POLR3B: variants seen among roughly 807,000 people sequenced by gnomAD.
The protein encoded by POLR3B is RNA polymerase III subunit B.
POLR3B carries 96 observed loss-of-function variants against 147.4 expected under a neutral mutation model. That is an observed-to-expected ratio of 0.65 (90% CI 0.55 to 0.77). POLR3B has a LOEUF of 0.77. POLR3B is among the 30% of genes least tolerant of loss of function. The pLI, the probability that POLR3B is intolerant of heterozygous loss-of-function variation, is 0.00. For missense variants in POLR3B, 1,036 were observed against 1,413.5 expected, an observed-to-expected ratio of 0.73 and a Z score of 4.28; for synonymous variants, 461 against 485.9, an observed-to-expected ratio of 0.95 and a Z score of 0.67.
intron 9 of POLR3B, among the ~76,000 whole-genome samples, chr12:106,384,533 G>T (rs2036808619): frequency 6.6e-6 from 1 of 152,184 alleles, no homozygotes; most frequent in African/African-American, 2.4e-5. Context: ...TCCCAGCTGA[G>T]ATTGAACAAG....
chr12:106,462,789 C>T (rs552716860), intron 22 of POLR3B, among the ~76,000 whole-genome samples: 19 of 152,282 alleles, frequency 1.2e-4, no homozygotes, highest in African/African-American at 4.3e-4. Flanking sequence ...GTCAGTGACC[C>T]ACTCTGGTCA....
intron 8 of POLR3B, among the ~76,000 whole-genome samples, chr12:106,379,612 G>T (rs768464402): frequency 2.0e-4 from 31 of 152,110 alleles, no homozygotes; most frequent in Non-Finnish European, 3.4e-4. Flanking sequence ...AAGACTGTGG[G>T]TATATTTTGT....
chr12:106,376,477 C>G, intron 7 of POLR3B, 27 bp downstream of exon 7: 1 of 1,470,842 alleles, frequency 6.8e-7, no homozygotes, highest in Non-Finnish European at 9.5e-7. Context: ...GGATTTGTCC[C>G]ACTTTCCTTA....
chr12:106,378,661 A>T lies in POLR3B; in HGVS notation c.614+277A>T, dbSNP rs10746059. 0.44 allele frequency among the ~76,000 whole-genome samples: 66,397 copies of T among 151,590 alleles called. 15,853 individuals are homozygous for T. Among genetic ancestry groups the T allele is most frequent in the African/African-American group, 0.62 (25,680 of 41,242 alleles). On this transcript the variant is annotated intron_variant, in intron 8 of 27. Coordinates refer to ENST00000228347, the MANE Select transcript of POLR3B (RefSeq NM_018082.6). ...GCATGAAAGGAGATTTAAAAAAAAA[A>T]AAATAAAACCACTCTTCAGTTTTTC...
intron 21 of POLR3B, 94 bp from the exon 22 acceptor site, chr12:106,459,157 G>A (rs2037903241): frequency 1.3e-6 from 1 of 778,342 alleles, no homozygotes; most frequent in Non-Finnish European, 2.3e-6. Flanking sequence ...CTGAGTTGTT[G>A]GGACTGCAGG....
chr12:106,397,736 C>T (rs767023314), intron 10 of POLR3B, among the ~76,000 whole-genome samples: 3 of 152,134 alleles, frequency 2.0e-5, no homozygotes, highest in Non-Finnish European at 1.5e-5. Context: ...CACAGTTTAT[C>T]CTATTGATAG....
intron 6 of POLR3B, among the ~76,000 whole-genome samples, chr12:106,371,101 T>C (rs2036600668): frequency 6.6e-6 from 1 of 152,102 alleles, no homozygotes; most frequent in South Asian, 2.1e-4. Flanking sequence ...TAAATCCTGG[T>C]TTAAAGAGGG....
At chr12:106,371,112 A>AG (rs903366035) in intron 6 of POLR3B, among the ~76,000 whole-genome samples, 11 of 152,320 alleles carry the variant, frequency 7.2e-5, no homozygotes, top group Admixed American at 6.5e-4. Context: ...TTAAAGAGGG[A>AG]GCATGAGTGG....
rs551945764 is a variant in POLR3B at position 106,430,320 on chromosome 12, C to G, written c.1311C>G (p.Thr437=). 9 of 1,614,052 alleles carry G rather than the reference C, an allele frequency of 5.6e-6. No homozygotes were observed. The African/African-American group carries it at 6.7e-5, about 12-fold the overall frequency. ...TTAAAATGGACCGCCAGGGTGTAAC[C>G]CAAGTGCTGTCTCGCTTGTCATATA... is the stretch of plus-strand genomic sequence containing the variant. ...KRFKMDRQGV[T]QVLSRLSYIS... The change falls in exon 14 of 28, where the codon ACC becomes ACG. Residue 437 remains threonine (T), a synonymous_variant. Transcript: ENST00000228347.
intron 12 of POLR3B, among the ~76,000 whole-genome samples, chr12:106,426,572 C>T (rs138168812): frequency 0.028 from 4,192 of 152,130 alleles, 99 homozygotes; most frequent in African/African-American, 0.059. Flanking sequence ...ACCTTGGCCT[C>T]CCAAAGTGCT....
At chr12:106,404,979 G>A (rs7134615) in intron 10 of POLR3B, among the ~76,000 whole-genome samples, 51,123 of 151,974 alleles carry the variant, frequency 0.34, 11,426 homozygotes, top group African/African-American at 0.64. Context: ...CATTTGTTGA[G>A]AAGATTTTTC....
At position 106,369,624 on chromosome 12, in the gene POLR3B, G is replaced by C; in HGVS notation, c.345G>C (p.Val115=). ...RDMTYSAPIT[V]DIEYTRGSQR... ...TGACATACTCTGCCCCTATTACAGTGGATATTGAATATACCCGAGGCAGCC... is the reference window on the plus strand; with the variant it reads ...TGACATACTCTGCCCCTATTACAGTCGATATTGAATATACCCGAGGCAGCC... The change falls in exon 6 of 28, where the codon GTG becomes GTC. Residue 115 remains valine, a synonymous_variant. Coordinates refer to ENST00000228347, the MANE Select transcript of POLR3B (RefSeq NM_018082.6). 6.2e-7 allele frequency: 1 copy of C among 1,613,260 alleles called. No homozygotes were observed. Among genetic ancestry groups the C allele is most frequent in the Middle Eastern group, 1.7e-4 (1 of 6,060 alleles).
In POLR3B at chr12:106,459,371, A is replaced by T; in HGVS notation, c.2570+3A>T. On this transcript the variant is annotated splice_donor_region_variant and intron_variant, in intron 22 of 27. Transcript: ENST00000228347. ...CAGTACAAAGATGTACCCATAACGT[A>T]TGTATTGGTTGTGCCCTGGTAATAT... is the stretch of plus-strand genomic sequence containing the variant. 1 of 1,391,272 alleles carries T rather than the reference A, an allele frequency of 7.2e-7. No homozygotes were observed. The highest frequency in any genetic ancestry group is 1.0e-6 in the Non-Finnish European group (1 of 976,416). The allele number at this position is 1,391,272 out of a possible 1,614,324, so 86.2% of individuals were successfully genotyped here.
intron 23 of POLR3B, among the ~76,000 whole-genome samples, chr12:106,490,422 ATT>A (rs2038392320): frequency 6.6e-6 from 1 of 152,204 alleles, no homozygotes; most frequent in Non-Finnish European, 1.5e-5. Context: ...TAAAAACTGT[ATT>A]GTCTTCTAGC....
At chr12:106,471,155 C>G (rs938542177) in intron 23 of POLR3B, among the ~76,000 whole-genome samples, 1 of 152,174 alleles carries the variant, frequency 6.6e-6, no homozygotes, top group Non-Finnish European at 1.5e-5. Context: ...ACTGCCTCCT[C>G]AAGCCTCAGC....
chr12:106,411,701 G>A (rs1030090960), intron 12 of POLR3B, among the ~76,000 whole-genome samples: 1 of 152,136 alleles, frequency 6.6e-6, no homozygotes, highest in South Asian at 2.1e-4. Context: ...GAAACAATCC[G>A]CTGATTGTTT....
chr12:106,504,023 T>C lies in POLR3B; in HGVS notation c.3099-58T>C, dbSNP rs1451861091. The C allele has an allele frequency of 6.0e-6, 9 of 1,504,198 alleles. No individual in the cohort carries two copies. The highest frequency in any genetic ancestry group is 8.3e-6 in the Non-Finnish European group (9 of 1,079,824). 93.2% of individuals were successfully genotyped at this position (1,504,198 alleles called of 1,614,324 possible). A position where few individuals can be genotyped will look rare whatever the true frequency, so the allele number is the denominator to read the frequency against. ...CGTGCTCTCTGCCAGCATGTGATGC[T>C]ACCTCTTTGTTTGTTTAACAGAATA... On this transcript the variant is annotated intron_variant, in intron 26 of 27. Coordinates refer to ENST00000228347, the MANE Select transcript of POLR3B (RefSeq NM_018082.6). The surrounding 1 kb of genome is among the most constrained non-coding windows in gnomAD (Gnocchi z 4.6).
At chr12:106,473,966 G>T (rs1428245774) in intron 23 of POLR3B, among the ~76,000 whole-genome samples, 1 of 149,794 alleles carries the variant, frequency 6.7e-6, no homozygotes, top group African/African-American at 2.5e-5. Flanking sequence ...AATGCTTCCA[G>T]TTTTTGCCCA....
chr12:106,507,455 G>A (rs934127031), intron 27 of POLR3B, among the ~76,000 whole-genome samples: 2 of 152,156 alleles, frequency 1.3e-5, no homozygotes, highest in East Asian at 3.8e-4. Flanking sequence ...TAATGTACTA[G>A]TCAGGAGAAG....
Sources: gnomAD v4.1 joint callset for allele counts (sites outside exome capture counted in the v4.1 genomes callset) on GRCh38, gnomAD v4.1.1 for gene constraint, Gnocchi (gnomAD v3.1) non-coding constraint, MANE v1.5 for transcripts, NCBI Gene and HGNC (gene_info 2026-07-23, HGNC 2026-07-21) for gene names.